MAML2: variants seen among roughly 807,000 people sequenced by gnomAD.
The protein encoded by MAML2 is mastermind-like protein 2.
In MAML2, 22 loss-of-function variants were observed where a neutral mutation model predicts 96.1. The ratio of observed to expected loss-of-function variants is 0.23; its 90% CI spans 0.16 to 0.33. MAML2 has a LOEUF of 0.33. MAML2 is among the 10% of genes least tolerant of loss of function. The pLI, the probability that MAML2 is intolerant of heterozygous loss-of-function variation, is 1.00. For synonymous variants in MAML2, 561 were observed against 521.3 expected, an observed-to-expected ratio of 1.08 and a Z score of -1.04; for missense variants, 1,367 against 1,392.4, an observed-to-expected ratio of 0.98 and a Z score of 0.29.
At chr11:96,215,023 A>G (rs1220808869) in intron 1 of MAML2, among the ~76,000 whole-genome samples, 1 of 152,174 alleles carries the variant, frequency 6.6e-6, no homozygotes, top group Admixed American at 6.5e-5. Flanking sequence ...TCTTTGCTTC[A>G]CAAATTAAAA....
chr11:96,045,297 G>A (rs1312236457), intron 2 of MAML2, among the ~76,000 whole-genome samples: 2 of 152,148 alleles, frequency 1.3e-5, no homozygotes, highest in African/African-American at 4.8e-5. Context: ...GAGAGAGTAT[G>A]GTGCCTGCAT....
chr11:96,314,577 CA>C (rs1863601998), intron 1 of MAML2, among the ~76,000 whole-genome samples: 1 of 152,192 alleles, frequency 6.6e-6, no homozygotes, highest in African/African-American at 2.4e-5. Context: ...GTGGCATTGC[CA>C]CCTCCTTCTC....
At chr11:96,212,521 G>C (rs1185193704) in intron 1 of MAML2, among the ~76,000 whole-genome samples, 1 of 152,180 alleles carries the variant, frequency 6.6e-6, no homozygotes, top group Admixed American at 6.5e-5. Flanking sequence ...TAATAGTAGA[G>C]AAGATTTTTT....
At chr11:96,038,031 A>G (rs1416741409) in intron 2 of MAML2, among the ~76,000 whole-genome samples, 1 of 152,222 alleles carries the variant, frequency 6.6e-6, no homozygotes, top group Non-Finnish European at 1.5e-5. Context: ...ACATTGTAAT[A>G]TTCTGGCATC....
At position 95,979,197 on chromosome 11, in the gene MAML2, C is replaced by T. The variant is rs771248101; in HGVS notation, c.3222G>A (p.Thr1074=). 8.1e-6 allele frequency: 13 copies of T among 1,613,930 alleles called. No homozygotes were observed. The East Asian group carries it at 1.1e-4, about 14-fold the overall frequency. Residue 1074 remains threonine (T), a synonymous_variant, in exon 5 of 5, where the codon ACG becomes ACA. Transcript: ENST00000524717. ...QSGTGLNQSR[T]GINQPPSLTP... ...TCAGGGATGGTGGCTGGTTGATGCC[C>T]GTCCTCGACTGATTCAACCCTGTTC... is the stretch of plus-strand genomic sequence containing the variant.
At chr11:96,128,754 T>C (rs1565223658) in intron 1 of MAML2, among the ~76,000 whole-genome samples, 1 of 152,220 alleles carries the variant, frequency 6.6e-6, no homozygotes, top group Non-Finnish European at 1.5e-5. Context: ...AGTGACATGT[T>C]TCATCACAGG....
intron 1 of MAML2, among the ~76,000 whole-genome samples, chr11:96,153,906 C>T (rs1040180754): frequency 4.4e-5 from 6 of 137,874 alleles, no homozygotes; most frequent in Admixed American, 1.5e-4. Flanking sequence ...AGCAAGACTC[C>T]GTCTCAATAA....
chr11:96,300,433 C>A (rs1290008026), intron 1 of MAML2, among the ~76,000 whole-genome samples: 1 of 152,108 alleles, frequency 6.6e-6, no homozygotes, highest in Non-Finnish European at 1.5e-5. Context: ...GGAGGGAGAG[C>A]TTGGGAGAAG....
intron 1 of MAML2, among the ~76,000 whole-genome samples, chr11:96,254,039 A>G (rs185866590): frequency 6.6e-6 from 1 of 152,330 alleles, no homozygotes; most frequent in East Asian, 1.9e-4. Flanking sequence ...CACTTTCTTT[A>G]AAGGTAAGAA....
At chr11:96,211,259 T>A (rs535386617) in intron 1 of MAML2, among the ~76,000 whole-genome samples, 1 of 152,184 alleles carries the variant, frequency 6.6e-6, no homozygotes, top group Non-Finnish European at 1.5e-5. Context: ...TGTTAATTAG[T>A]TTATGGGGTG....
At chr11:96,255,523 A>G (rs916732414) in intron 1 of MAML2, among the ~76,000 whole-genome samples, 2 of 152,034 alleles carry the variant, frequency 1.3e-5, no homozygotes, top group Non-Finnish European at 2.9e-5. Context: ...TGGACGATCT[A>G]TTTTCTCACT....
intron 1 of MAML2, among the ~76,000 whole-genome samples, chr11:96,332,062 A>G (rs1224613503): frequency 6.6e-6 from 1 of 152,166 alleles, no homozygotes; most frequent in Non-Finnish European, 1.5e-5. Context: ...GGCAGTGAGC[A>G]ATCAGAACTC....
intron 1 of MAML2, among the ~76,000 whole-genome samples, chr11:96,254,334 G>A (rs967086039): frequency 2.6e-5 from 4 of 151,494 alleles, no homozygotes; most frequent in African/African-American, 9.7e-5. Flanking sequence ...AAAAGCCATA[G>A]GAAGGAAGTG....
chr11:96,099,903 G>T lies in MAML2; in HGVS notation c.514-6386C>A, dbSNP rs775962765. Reference sequence around the variant, plus strand: ...AATCCTCCTGCTTCAGCCTCCCAAAGGTTATAGAGATTACAAGCATGAGCC... The same window carrying T: ...AATCCTCCTGCTTCAGCCTCCCAAATGTTATAGAGATTACAAGCATGAGCC... On this transcript the variant is annotated intron_variant, in intron 1 of 4. Coordinates refer to ENST00000524717, the MANE Select transcript of MAML2 (RefSeq NM_032427.4). Among the ~76,000 whole-genome samples, 57 of 151,612 alleles carry T rather than the reference G, an allele frequency of 3.8e-4. 2 individuals carry two copies. The highest frequency in any genetic ancestry group is 1.5e-5 in the Non-Finnish European group (1 of 68,028).
At chr11:96,206,132 A>C (rs1861893085) in intron 1 of MAML2, among the ~76,000 whole-genome samples, 1 of 152,154 alleles carries the variant, frequency 6.6e-6, no homozygotes. Context: ...TGTTATCTAG[A>C]AATAATTCCT....
intron 1 of MAML2, among the ~76,000 whole-genome samples, chr11:96,180,481 T>C (rs1451630311): frequency 6.6e-6 from 1 of 152,184 alleles, no homozygotes; most frequent in African/African-American, 2.4e-5. Flanking sequence ...AGAGAGAGAC[T>C]ACATGTAGGT....
intron 1 of MAML2, among the ~76,000 whole-genome samples, chr11:96,133,403 G>T (rs1017199104): frequency 6.6e-6 from 1 of 151,392 alleles, no homozygotes; most frequent in Non-Finnish European, 1.5e-5. Flanking sequence ...TTAAAATTTC[G>T]CAAGCACCCA....
chr11:96,105,609 G>A (rs1245507327), intron 1 of MAML2, among the ~76,000 whole-genome samples: 3 of 152,300 alleles, frequency 2.0e-5, no homozygotes, highest in South Asian at 2.1e-4. Flanking sequence ...TGGCATTGAT[G>A]TCATCATTCT....
chr11:96,039,373 A>G, intron 2 of MAML2, among the ~76,000 whole-genome samples: 1 of 126,628 alleles, frequency 7.9e-6, no homozygotes, highest in East Asian at 2.8e-4. Flanking sequence ...GGAGGGGGAT[A>G]AGGGAGAGGG....
Sources: gnomAD v4.1 joint callset for allele counts (sites outside exome capture counted in the v4.1 genomes callset) on GRCh38, gnomAD v4.1.1 for gene constraint, MANE v1.5 for transcripts, NCBI Gene and HGNC (gene_info 2026-07-23, HGNC 2026-07-21) for gene names.